SETD7: variants seen among roughly 807,000 people sequenced by gnomAD.
SETD7 encodes SET domain containing 7, histone lysine methyltransferase, also known as histone-lysine N-methyltransferase SETD7.
A neutral mutation model predicts 41.8 loss-of-function variants in SETD7; 16 were observed. The ratio of observed to expected loss-of-function variants is 0.38; its 90% CI spans 0.26 to 0.58. The LOEUF (loss-of-function observed/expected upper bound fraction) is 0.58, where lower values mean the gene tolerates loss of function less well. Among genes scored for constraint, SETD7 ranks in the 20% least tolerant of loss-of-function variants. The pLI is 0.64. For missense variants in SETD7, 346 were observed against 459.7 expected, an observed-to-expected ratio of 0.75 and a Z score of 2.26; for synonymous variants, 163 against 169.7, an observed-to-expected ratio of 0.96 and a Z score of 0.31.
chr4:139,506,191 T>A lies in SETD7; in HGVS notation c.*5472A>T, dbSNP rs1229511469. On this transcript the variant is annotated 3_prime_UTR_variant, in exon 8 of 8. Transcript: ENST00000274031. ...TGCACCCAGACACACTACAAAAAAC[T>A]CATTCATAACACAGTAAGGGCAAAC... 1 of 152,622 alleles carries A rather than the reference T, an allele frequency of 6.6e-6. No homozygotes were observed. Among genetic ancestry groups the A allele is most frequent in the Non-Finnish European group, 1.5e-5 (1 of 68,044 alleles). The allele number at this position is 152,622 out of a possible 1,614,324, so 9.5% of individuals were successfully genotyped here.
intron 7 of SETD7, among the ~76,000 whole-genome samples, chr4:139,513,461 T>C (rs1055599126): frequency 1.3e-5 from 2 of 151,482 alleles, no homozygotes. Flanking sequence ...GCTTGGGGCA[T>C]GATAGTAAGT....
Position 139,512,312 on chromosome 4 carries a change from A to C in SETD7, c.921-469T>G, listed in dbSNP as rs186430724. Reference sequence around the variant, plus strand: ...CCAGAGTGCTTTTGGAGTTGTAAGAAAGAGCCCTGTGGATTTTCAAAGGCA... The same window carrying C: ...CCAGAGTGCTTTTGGAGTTGTAAGACAGAGCCCTGTGGATTTTCAAAGGCA... On this transcript the variant is annotated intron_variant, in intron 7 of 7. Coordinates refer to ENST00000274031, the MANE Select transcript of SETD7 (RefSeq NM_030648.4). Among the ~76,000 whole-genome samples the C allele has an allele frequency of 3.3e-5, 5 of 152,320 alleles. No individual in the cohort carries two copies. The East Asian group carries it at 9.6e-4, about 29-fold the overall frequency.
chr4:139,513,295 C>T (rs1360604289), intron 7 of SETD7, among the ~76,000 whole-genome samples: 3 of 151,866 alleles, frequency 2.0e-5, no homozygotes, highest in Non-Finnish European at 4.4e-5. Flanking sequence ...TGGCGCACAC[C>T]TGTAATCCCA....
Position 139,520,324 on chromosome 4 carries a change from T to C in SETD7, c.715A>G (p.Asn239Asp), listed in dbSNP as rs1010834221. ...GLFSKVAVGP[N>D]TVMSFYNGVR... is the part of the protein sequence containing the mutation. ...CCATTATAAAAAGACATAACAGTAT[T>C]AGGTCCCACAGCTACCTTTGAAAAA... The change falls in exon 6 of 8, where the codon AAT becomes GAT. Residue 239 changes from asparagine (N) to aspartate (D), a missense_variant. Physicochemically the swap from Asn to Asp is conservative, Grantham distance 23. Coordinates refer to ENST00000274031, the MANE Select transcript of SETD7 (RefSeq NM_030648.4). The C allele has an allele frequency of 6.2e-7, 1 of 1,610,852 alleles. No homozygotes were observed.
chr4:139,549,454 T>C (rs956868192), intron 1 of SETD7, among the ~76,000 whole-genome samples: 3 of 152,108 alleles, frequency 2.0e-5, no homozygotes, highest in Non-Finnish European at 4.4e-5. Flanking sequence ...CCTTGGAGGA[T>C]AGTACTGATC....
At chr4:139,514,809 T>C (rs1172450308) in intron 7 of SETD7, among the ~76,000 whole-genome samples, 11 of 152,240 alleles carry the variant, frequency 7.2e-5, no homozygotes. Context: ...TATTTGTCCA[T>C]TTGGCATTTT....
At position 139,511,317 on chromosome 4, in the gene SETD7, A is replaced by G. The variant is rs1441886036; in HGVS notation, c.*346T>C. ...AAAAAGCACTATGGAAAAACCACTG[A>G]CTAAAAATGACTGAAAAACCCCGTT... On this transcript the variant is annotated 3_prime_UTR_variant, in exon 8 of 8. Coordinates refer to ENST00000274031, the MANE Select transcript of SETD7 (RefSeq NM_030648.4). 1 of 288,070 alleles carries G rather than the reference A, an allele frequency of 3.5e-6. No homozygotes were observed. Among genetic ancestry groups the G allele is most frequent in the Admixed American group, 5.7e-5 (1 of 17,600 alleles). The allele number at this position is 288,070 out of a possible 1,614,324, so 17.8% of individuals were successfully genotyped here. A position where few individuals can be genotyped will look rare whatever the true frequency, so the allele number is the denominator to read the frequency against.
At chr4:139,499,091 G>C (rs1726520349) in intron 7 of SETD7, among the ~76,000 whole-genome samples, 1 of 152,194 alleles carries the variant, frequency 6.6e-6, no homozygotes, top group African/African-American at 2.4e-5. Context: ...GACCTACCTT[G>C]TTTGACTATA....
chr4:139,502,127 T>C (rs530780254), downstream of SETD7, among the ~76,000 whole-genome samples: 16 of 152,370 alleles, frequency 1.1e-4, no homozygotes, highest in South Asian at 3.3e-3. Flanking sequence ...CCAATTCTCC[T>C]AATCATTACA....
At chr4:139,518,158 C>T (rs925521654) in intron 6 of SETD7, 116 bp from the exon 7 acceptor site, 26 of 1,133,806 alleles carry the variant, frequency 2.3e-5, no homozygotes, top group African/African-American at 3.2e-5. Context: ...GACAGGGTCT[C>T]ACTCTGTCAC....
At chr4:139,546,517 T>A in intron 2 of SETD7, 1 of 305,690 alleles carries the variant, frequency 3.3e-6, no homozygotes, top group East Asian at 9.7e-5. Flanking sequence ...GAAAAAAGTG[T>A]GAATCTGACT....
intron 3 of SETD7, among the ~76,000 whole-genome samples, chr4:139,530,854 A>T (rs1001853588): frequency 7.9e-4 from 120 of 152,346 alleles, no homozygotes; most frequent in African/African-American, 2.6e-3. Context: ...TGAAAGAAAT[A>T]CACTGTCCTT....
chr4:139,540,018 C>G (rs1230188343), intron 2 of SETD7, among the ~76,000 whole-genome samples: 1 of 151,938 alleles, frequency 6.6e-6, no homozygotes, highest in Non-Finnish European at 1.5e-5. Flanking sequence ...TTGTAGCAGC[C>G]CAAACTAAGA....
chr4:139,533,412 G>GA (rs774551577), intron 2 of SETD7, 46 bp from the exon 3 acceptor site: 4 of 1,492,154 alleles, frequency 2.7e-6, no homozygotes, highest in Non-Finnish European at 3.7e-6. Flanking sequence ...ACCATGACTT[G>GA]ACTCTCTTAG....
intron 4 of SETD7, among the ~76,000 whole-genome samples, chr4:139,526,274 A>ATTT (rs35426583): frequency 1.4e-5 from 2 of 141,316 alleles, no homozygotes; most frequent in Non-Finnish European, 1.5e-5. Flanking sequence ...ACTCTCAACA[A>ATTT]TTTTTTTTTT....
intron 3 of SETD7, among the ~76,000 whole-genome samples, chr4:139,532,001 G>C (rs1484855084): frequency 6.6e-6 from 1 of 152,194 alleles, no homozygotes; most frequent in Non-Finnish European, 1.5e-5. Flanking sequence ...GGCTGAGGCA[G>C]AAGAATCACT....
At chr4:139,503,589 AAT>A (rs1481682420), downstream of SETD7, among the ~76,000 whole-genome samples, 3 of 152,158 alleles carry the variant, frequency 2.0e-5, no homozygotes, top group African/African-American at 4.8e-5. Context: ...ACTCTAGATA[AAT>A]ATATCTTTGT....
At chr4:139,547,159 G>T in intron 1 of SETD7, 110 bp from the exon 2 acceptor site, 1 of 1,381,802 alleles carries the variant, frequency 7.2e-7, no homozygotes, top group Non-Finnish European at 9.8e-7. Context: ...CTCCCCTCCA[G>T]CTGCCAAAGG....
At chr4:139,497,363 GAGA>G (rs577722652) in intron 7 of SETD7, among the ~76,000 whole-genome samples, 44 of 151,986 alleles carry the variant, frequency 2.9e-4, no homozygotes, top group African/African-American at 1.0e-3. Context: ...GCTGAGGTAG[GAGA>G]ATCGCTTAAA....
Sources: allele counts gnomAD v4.1 joint callset (sites outside exome capture counted in the v4.1 genomes callset), GRCh38; gene constraint gnomAD v4.1.1; transcripts MANE v1.5; gene names NCBI Gene and HGNC (gene_info 2026-07-23, HGNC 2026-07-21).